The following DGCR2 variants were observed in gnomAD, a reference collection of about 807,000 sequenced individuals.
The protein encoded by DGCR2 is integral membrane protein DGCR2/IDD.
In DGCR2, 24 loss-of-function variants were observed where a neutral mutation model predicts 51.6. That is an observed-to-expected ratio of 0.47 (90% CI 0.34 to 0.65). The LOEUF (loss-of-function observed/expected upper bound fraction) is 0.65. Ranked by LOEUF, DGCR2 falls within the 30% of genes least tolerant of loss-of-function variation. The pLI is 0.01. For synonymous variants in DGCR2, 340 were observed against 315.4 expected, an observed-to-expected ratio of 1.08 and a Z score of -0.82; for missense variants, 765 against 772.1, an observed-to-expected ratio of 0.99 and a Z score of 0.11.
intron 2 of DGCR2, among the ~76,000 whole-genome samples, chr22:19,085,020 G>A (rs1055001011): frequency 3.4e-4 from 52 of 152,046 alleles, no homozygotes; most frequent in African/African-American, 9.9e-4. Context: ...TTGAGAAATC[G>A]GATGGTTGCT....
chr22:19,069,298 C>T (rs1378160575), intron 2 of DGCR2, among the ~76,000 whole-genome samples: 2 of 152,206 alleles, frequency 1.3e-5, no homozygotes, highest in African/African-American at 2.4e-5. Flanking sequence ...CGGCAGTCAG[C>T]GCCACCTGAC....
chr22:19,060,071 C>T (rs1277541228), intron 5 of DGCR2, among the ~76,000 whole-genome samples: 1 of 152,218 alleles, frequency 6.6e-6, no homozygotes, highest in Admixed American at 6.5e-5. Context: ...CTGCCCCACT[C>T]AGGGTCTGTC....
intron 2 of DGCR2, among the ~76,000 whole-genome samples, chr22:19,071,948 T>C (rs146272385): frequency 2.0e-5 from 3 of 152,246 alleles, no homozygotes; most frequent in Admixed American, 6.5e-5. Flanking sequence ...GGCAGGACAC[T>C]ATCAGCTGGT....
At chr22:19,090,743 C>A (rs2083069106) in intron 1 of DGCR2, among the ~76,000 whole-genome samples, 1 of 150,718 alleles carries the variant, frequency 6.6e-6, no homozygotes, top group Non-Finnish European at 1.5e-5. Context: ...ATGAACCCGA[C>A]TAAAATAACA....
rs953110656 is a variant in DGCR2, at chr22:19,038,679, T to C, written c.*186A>G. ...TTCTGAAGCCCTCAAGGAAGCTCGG[T>C]GCAGGCCATCACTTCTTTTGGCAGA... On this transcript the variant is annotated 3_prime_UTR_variant, in exon 10 of 10. Coordinates refer to ENST00000263196, the MANE Select transcript of DGCR2 (RefSeq NM_005137.3). 1.4e-6 allele frequency: 1 copy of C among 723,260 alleles called. No homozygotes were observed. The highest frequency in any genetic ancestry group is 1.8e-5 in the African/African-American group (1 of 56,078). The allele number at this position is 723,260 out of a possible 1,614,324, so 44.8% of individuals were successfully genotyped here. A position where few individuals can be genotyped will look rare whatever the true frequency, so the allele number is the denominator to read the frequency against.
chr22:19,063,107 G>T, intron 5 of DGCR2, 95 bp downstream of exon 5: 1 of 1,224,890 alleles, frequency 8.2e-7, no homozygotes, highest in Non-Finnish European at 1.2e-6. Flanking sequence ...CACCCCTACG[G>T]GCCAGGCAGC....
At chr22:19,050,054 A>G (rs766252892) in intron 6 of DGCR2, among the ~76,000 whole-genome samples, 1 of 152,222 alleles carries the variant, frequency 6.6e-6, no homozygotes, top group Non-Finnish European at 1.5e-5. Context: ...GCAAAAAAAA[A>G]TTAGTCGAAG....
intron 1 of DGCR2, among the ~76,000 whole-genome samples, chr22:19,103,416 C>CTTTTTTTTTTTTTT (rs55877455): frequency 1.5e-5 from 1 of 67,716 alleles, no homozygotes; most frequent in Non-Finnish European, 3.0e-5. Context: ...AAAAAAAGTT[C>CTTTTTTTTTTTTTT]TTTTTTTTTT....
Position 19,122,370 on chromosome 22 carries a change from C to G in DGCR2, c.-164G>C. 1 of 507,274 alleles carries G rather than the reference C, an allele frequency of 2.0e-6. No homozygotes were observed. The highest frequency in any genetic ancestry group is 4.3e-5 in the Admixed American group (1 of 23,008). The allele number at this position is 507,274 out of a possible 1,614,324, so 31.4% of individuals were successfully genotyped here. A position where few individuals can be genotyped will look rare whatever the true frequency, so the allele number is the denominator to read the frequency against. On this transcript the variant is annotated 5_prime_UTR_variant, in exon 1 of 10. Transcript: ENST00000263196. Reference sequence around the variant, plus strand: ...GCTGGGCCGCGGGCTGGCGCACACTCTCGGCTGCAACCTCAGGCACCGACT... The same window carrying G: ...GCTGGGCCGCGGGCTGGCGCACACTGTCGGCTGCAACCTCAGGCACCGACT...
Position 19,041,973 on chromosome 22 carries a change from G to A in DGCR2, c.1007-14C>T. 6.2e-7 allele frequency: 1 copy of A among 1,610,390 alleles called. No homozygotes were observed. The highest frequency in any genetic ancestry group is 8.5e-7 in the Non-Finnish European group (1 of 1,178,738). ...GACTGTTGCCATCTGAGGGGGAGGGGAGGAAATGGCCGCTCTGAGAAGGGG... is the reference window on the plus strand; with the variant it reads ...GACTGTTGCCATCTGAGGGGGAGGGAAGGAAATGGCCGCTCTGAGAAGGGG... On this transcript the variant is annotated splice_polypyrimidine_tract_variant and intron_variant, in intron 7 of 9. Transcript: ENST00000263196.
intron 5 of DGCR2, among the ~76,000 whole-genome samples, chr22:19,059,897 G>A (rs564878859): frequency 1.3e-5 from 2 of 151,994 alleles, no homozygotes; most frequent in Non-Finnish European, 2.9e-5. Context: ...CCCGGCCCCC[G>A]AGTCCCCCAT....
intron 5 of DGCR2, among the ~76,000 whole-genome samples, chr22:19,062,754 TGCGCACACACACACATGCATG>T: frequency 7.3e-6 from 1 of 137,150 alleles, no homozygotes; most frequent in Admixed American, 7.4e-5. Context: ...ATAAAATCTT[TGCGCACACACACACATGCATG>T]CTCACTCTCT....
At chr22:19,052,173 T>C (rs2082555059) in intron 6 of DGCR2, among the ~76,000 whole-genome samples, 2 of 152,236 alleles carry the variant, frequency 1.3e-5, no homozygotes, top group Admixed American at 1.3e-4. Flanking sequence ...TCCCAGCACT[T>C]TGGGAGGCCG....
intron 2 of DGCR2, among the ~76,000 whole-genome samples, chr22:19,074,412 GA>G (rs72460718): frequency 0.3 from 37,870 of 124,834 alleles, 5,286 homozygotes; most frequent in South Asian, 0.43. Context: ...AGAGCAAGAT[GA>G]AAAAAAAAAA....
chr22:19,046,155 T>C (rs762275859), intron 7 of DGCR2: 1 of 152,246 alleles, frequency 6.6e-6, no homozygotes, highest in Admixed American at 6.5e-5. Flanking sequence ...ACCTGATCCA[T>C]GAACATGGTA....
At chr22:19,077,861 C>A (rs1465791980) in intron 2 of DGCR2, among the ~76,000 whole-genome samples, 2 of 150,568 alleles carry the variant, frequency 1.3e-5, no homozygotes, top group Non-Finnish European at 2.9e-5. Flanking sequence ...CAGTGTCTCA[C>A]TCTGTCACCC....
intron 3 of DGCR2, among the ~76,000 whole-genome samples, chr22:19,065,351 T>C (rs1055460141): frequency 1.3e-5 from 2 of 152,246 alleles, no homozygotes; most frequent in Non-Finnish European, 2.9e-5. Context: ...TTAAGTCTTG[T>C]AAAGTGGATT....
At chr22:19,068,267 C>A in intron 2 of DGCR2, 42 bp from the exon 3 acceptor site, 1 of 1,535,290 alleles carries the variant, frequency 6.5e-7, no homozygotes, top group Non-Finnish European at 8.8e-7. Flanking sequence ...CCTGCCTGTG[C>A]AGTCGCAGTC....
intron 2 of DGCR2, among the ~76,000 whole-genome samples, chr22:19,073,765 A>C (rs1202275155): frequency 6.6e-6 from 1 of 152,256 alleles, no homozygotes; most frequent in African/African-American, 2.4e-5. Context: ...GCAAACAAGG[A>C]AACACAAACC....
Sources: gnomAD v4.1 joint callset for allele counts (sites outside exome capture counted in the v4.1 genomes callset) on GRCh38, gnomAD v4.1.1 for gene constraint, MANE v1.5 for transcripts, NCBI Gene and HGNC (gene_info 2026-07-23, HGNC 2026-07-21) for gene names.